The following CHST9 variants were observed in gnomAD, a reference collection of about 807,000 sequenced individuals.
The protein encoded by CHST9 is carbohydrate sulfotransferase 9.
A neutral mutation model predicts 44.4 loss-of-function variants in CHST9; 41 were observed. The ratio of observed to expected loss-of-function variants is 0.92; its 90% CI spans 0.72 to 1.20. The LOEUF (loss-of-function observed/expected upper bound fraction) is 1.20, where lower values mean the gene tolerates loss of function less well. Ranked by LOEUF, CHST9 falls within the 50% of genes most tolerant of loss-of-function variation. The pLI is 0.00. For missense variants in CHST9, 504 were observed against 516.5 expected (o/e 0.98, Z 0.23); for synonymous variants, 171 against 178.4 (o/e 0.96, Z 0.33).
chr18:26,931,608 A>G (rs1203651549), intron 5 of CHST9, among the ~76,000 whole-genome samples: 1 of 152,144 alleles, frequency 6.6e-6, no homozygotes, highest in Non-Finnish European at 1.5e-5. Flanking sequence ...CTGAGCAAAG[A>G]GGGTTGTCTT....
chr18:27,084,331 A>G (rs2057988985), intron 2 of CHST9, among the ~76,000 whole-genome samples: 1 of 151,514 alleles, frequency 6.6e-6, no homozygotes, highest in African/African-American at 2.4e-5. Flanking sequence ...AGAACTCATT[A>G]TTGGTCTGTC....
rs1598547692 is a variant in CHST9 at position 26,916,004 on chromosome 18, A to C, written c.*255T>G. The C allele has an allele frequency of 6.2e-5, 20 of 320,044 alleles. No homozygotes were observed. The East Asian group carries it at 1.1e-3, about 18-fold the overall frequency. 19.8% of individuals were successfully genotyped at this position (320,044 alleles called of 1,614,324 possible). On this transcript the variant is annotated 3_prime_UTR_variant, in exon 6 of 6. Transcript: ENST00000618847. ...CAACAGCTGGCTAGGTTATTGCTTC[A>C]ACAATATAATTCATAATGCAAAAGC...
chr18:27,057,630 A>G (rs993011495), intron 2 of CHST9, among the ~76,000 whole-genome samples: 14 of 152,364 alleles, frequency 9.2e-5, no homozygotes, highest in African/African-American at 3.4e-4. Flanking sequence ...AGCTCCAGAC[A>G]GTGTGTACTG....
rs751757391 is a variant in CHST9, at chr18:26,916,438, C to T, written c.1153G>A (p.Gly385Ser). ...GGAAATTTCAGCTCCTTTGGAGCACCGATCATCTGTAAAAAGTAATTGGCA... is the reference window on the plus strand; with the variant it reads ...GGAAATTTCAGCTCCTTTGGAGCACTGATCATCTGTAAAAAGTAATTGGCA... ...EDANYFLQMI[G>S]APKELKFPNF... The change falls in exon 6 of 6, where the codon GGT (glycine) becomes AGT (serine). Residue 385 changes from glycine to serine, a missense_variant. Coordinates refer to ENST00000618847, the MANE Select transcript of CHST9 (RefSeq NM_031422.6). 2.4e-5 allele frequency: 39 copies of T among 1,613,510 alleles called. No homozygotes were observed. Among genetic ancestry groups the T allele is most frequent in the Non-Finnish European group, 2.9e-5 (34 of 1,179,674 alleles).
intron 3 of CHST9, among the ~76,000 whole-genome samples, chr18:27,047,388 TTGTGTG>T (rs55698484): frequency 0.016 from 2,286 of 145,638 alleles, 43 homozygotes; most frequent in African/African-American, 0.053. Context: ...GCCTTCATAA[TTGTGTG>T]TGTGTGTGTG....
At chr18:26,959,963 GA>G in intron 4 of CHST9, among the ~76,000 whole-genome samples, 1 of 152,036 alleles carries the variant, frequency 6.6e-6, no homozygotes, top group East Asian at 1.9e-4. Flanking sequence ...TTAGGATGGG[GA>G]AAAAAGGAAT....
intron 4 of CHST9, among the ~76,000 whole-genome samples, chr18:26,986,315 T>C (rs2056754541): frequency 6.6e-6 from 1 of 152,040 alleles, no homozygotes; most frequent in Non-Finnish European, 1.5e-5. Context: ...GACAAAAGAA[T>C]TATACGGGAT....
intron 2 of CHST9, among the ~76,000 whole-genome samples, chr18:27,101,088 G>C (rs1166453238): frequency 6.6e-6 from 1 of 152,112 alleles, no homozygotes; most frequent in Non-Finnish European, 1.5e-5. Flanking sequence ...ATAAACTCTT[G>C]TTCTGCACAC....
intron 4 of CHST9, among the ~76,000 whole-genome samples, chr18:26,977,332 A>C (rs1208613997): frequency 6.6e-6 from 1 of 151,886 alleles, no homozygotes; most frequent in Non-Finnish European, 1.5e-5. Context: ...ACATCTATCC[A>C]CATTTAGTCT....
intron 1 of CHST9, among the ~76,000 whole-genome samples, chr18:27,155,612 G>A (rs191770535): frequency 2.3e-4 from 35 of 152,092 alleles, no homozygotes; most frequent in Non-Finnish European, 3.4e-4. Flanking sequence ...AAACACTTTC[G>A]AATTATTGAA....
chr18:26,984,742 A>G (rs1482669155), intron 4 of CHST9, among the ~76,000 whole-genome samples: 5 of 151,916 alleles, frequency 3.3e-5, no homozygotes, highest in Admixed American at 6.5e-5. Context: ...AAAAAAAAAA[A>G]AAAGAAATTG....
At chr18:27,158,931 C>T (rs2058721243) in intron 1 of CHST9, among the ~76,000 whole-genome samples, 1 of 152,222 alleles carries the variant, frequency 6.6e-6, no homozygotes, top group South Asian at 2.1e-4. Context: ...CTGTTCATAT[C>T]CTTCGCCCAC....
intron 3 of CHST9, 39 bp from the exon 4 acceptor site, chr18:27,024,196 A>T (rs1476032481): frequency 6.5e-6 from 10 of 1,539,422 alleles, no homozygotes; most frequent in Non-Finnish European, 8.0e-6. Flanking sequence ...TATTACCATC[A>T]CATCCAAAGA....
intron 4 of CHST9, among the ~76,000 whole-genome samples, chr18:26,972,103 T>C (rs899167861): frequency 6.6e-6 from 1 of 151,896 alleles, no homozygotes; most frequent in Non-Finnish European, 1.5e-5. Flanking sequence ...ACGTCTGCAA[T>C]CCCAGCACTT....
chr18:27,034,075 A>G (rs1318237241), intron 3 of CHST9, among the ~76,000 whole-genome samples: 1 of 152,356 alleles, frequency 6.6e-6, no homozygotes, highest in Non-Finnish European at 1.5e-5. Context: ...TAGATATCCA[A>G]GAAGCATCAT....
intron 2 of CHST9, among the ~76,000 whole-genome samples, chr18:27,121,704 A>G (rs1298858337): frequency 6.6e-6 from 1 of 152,160 alleles, no homozygotes; most frequent in African/African-American, 2.4e-5. Flanking sequence ...CATATGGAGG[A>G]AAGTAGAGTC....
rs539978413 is a variant in CHST9 at position 26,916,486 on chromosome 18, T to C, written c.1105A>G (p.Lys369Glu). ...PCLINYDFVGKFETLEEDANY... is the reference protein window; with the variant it reads ...PCLINYDFVGEFETLEEDANY... Reference sequence around the variant, plus strand: ...GCATCTTCTTCCAAAGTCTCAAATTTCCCTACAAAATCATAGTTGATCAAA... The same window carrying C: ...GCATCTTCTTCCAAAGTCTCAAATTCCCCTACAAAATCATAGTTGATCAAA... The change falls in exon 6 of 6, where the codon AAA (lysine) becomes GAA (glutamate). Residue 369 changes from lysine to glutamate, a missense_variant. Physicochemically the swap from Lys to Glu is moderately conservative, Grantham distance 56. Transcript: ENST00000618847. 5 of 1,613,832 alleles carry C rather than the reference T, an allele frequency of 3.1e-6. No homozygotes were observed. The East Asian group carries it at 8.9e-5, about 29-fold the overall frequency.
intron 4 of CHST9, among the ~76,000 whole-genome samples, chr18:26,950,469 C>T (rs140554069): frequency 9.2e-5 from 14 of 152,240 alleles, no homozygotes; most frequent in African/African-American, 3.4e-4. Context: ...GTAGAACCAA[C>T]CTAAATGCCC....
At chr18:27,137,304 A>G (rs943938146) in intron 2 of CHST9, among the ~76,000 whole-genome samples, 114 of 145,464 alleles carry the variant, frequency 7.8e-4, no homozygotes, top group African/African-American at 2.6e-3. Context: ...TTATTTATAT[A>G]TGTGTGTGTG....
Sources: allele counts gnomAD v4.1 joint callset (sites outside exome capture counted in the v4.1 genomes callset), GRCh38; gene constraint gnomAD v4.1.1; transcripts MANE v1.5; gene names NCBI Gene and HGNC (gene_info 2026-07-23, HGNC 2026-07-21).